Variants in HECTD3 observed in about 807,000 individuals in gnomAD.
The protein encoded by HECTD3 is E3 ubiquitin-protein ligase HECTD3.
A neutral mutation model predicts 109.3 loss-of-function variants in HECTD3; 72 were observed. The ratio of observed to expected loss-of-function variants is 0.66; its 90% CI spans 0.54 to 0.80. The LOEUF is 0.80. HECTD3 is among the 30% of genes least tolerant of loss of function. The pLI, the probability that HECTD3 is intolerant of heterozygous loss-of-function variation, is 0.00. For synonymous variants in HECTD3, 481 were observed against 471.8 expected, an observed-to-expected ratio of 1.02 and a Z score of -0.25; for missense variants, 1,041 against 1,165.2, an observed-to-expected ratio of 0.89 and a Z score of 1.55.
At position 45,003,818 on chromosome 1, in the gene HECTD3, C is replaced by T. The variant is rs369772646; in HGVS notation, c.2429+37G>A. ...GTGTGTGGGGAGGGAGGACAGAAGG[C>T]GGCCATGGCACCTTCAGGCCTCCCT... On this transcript the variant is annotated intron_variant, in intron 19 of 20. Coordinates refer to ENST00000372172, the MANE Select transcript of HECTD3 (RefSeq NM_024602.6). The surrounding 1 kb of genome is among the most constrained non-coding windows in gnomAD (Gnocchi z 4.7). 1.7e-5 allele frequency: 27 copies of T among 1,608,420 alleles called. No homozygotes were observed. In the African/African-American group the frequency reaches 2.5e-4, roughly 15 times the overall value.
rs144134559 is a variant in HECTD3, at chr1:45,008,222, C to T, written c.1320+18G>A. The stretch of plus-strand genomic sequence containing the variant: ...GGAAGGGGAAATGCCAAGACCAGCA[C>T]TGGCTGGGTCGGCTCACCTTAATCT... On this transcript the variant is annotated intron_variant, in intron 9 of 20. Coordinates refer to ENST00000372172, the MANE Select transcript of HECTD3 (RefSeq NM_024602.6). 19 of 1,603,260 alleles carry T rather than the reference C, an allele frequency of 1.2e-5. No homozygotes were observed. Among genetic ancestry groups the T allele is most frequent in the African/African-American group, 4.0e-5 (3 of 74,706 alleles).
chr1:45,006,202 G>A lies in HECTD3; in HGVS notation c.1726-86C>T. On this transcript the variant is annotated intron_variant, in intron 13 of 20. Transcript: ENST00000372172. The surrounding 1 kb of genome is among the most constrained non-coding windows in gnomAD (Gnocchi z 4.7). The stretch of plus-strand genomic sequence containing the variant: ...GACTTCCCTGAACATTTTCCACTGG[G>A]AACATTTTCCACTAAATGATCCCTT... 6.5e-7 allele frequency: 1 copy of A among 1,529,490 alleles called. No homozygotes were observed. Among genetic ancestry groups the A allele is most frequent in the Non-Finnish European group, 8.9e-7 (1 of 1,120,638 alleles). 94.7% of individuals were successfully genotyped at this position (1,529,490 alleles called of 1,614,324 possible). A position where few individuals can be genotyped will look rare whatever the true frequency, so the allele number is the denominator to read the frequency against.
intron 1 of HECTD3, 43 bp downstream of exon 1, chr1:45,010,846 C>T: frequency 6.6e-7 from 1 of 1,507,264 alleles, no homozygotes; most frequent in Non-Finnish European, 8.8e-7. Context: ...GTTTCTCTGG[C>T]CCCAGGGGTC....
rs1352087409 is a variant in HECTD3, at chr1:45,006,832, G to C, written c.1622-37C>G. On this transcript the variant is annotated intron_variant, in intron 12 of 20. Transcript: ENST00000372172. The surrounding 1 kb of genome is among the most constrained non-coding windows in gnomAD (Gnocchi z 4.7). ...GATGCCCTCAGCTGGGCACTCAAGAGCCCAGCTCCCATAATGGGGTAATGA... is the reference window on the plus strand; with the variant it reads ...GATGCCCTCAGCTGGGCACTCAAGACCCCAGCTCCCATAATGGGGTAATGA... The C allele has an allele frequency of 6.2e-7, 1 of 1,601,340 alleles. No homozygotes were observed. The highest frequency in any genetic ancestry group is 1.1e-5 in the South Asian group (1 of 90,402).
chr1:45,009,940 G>A (rs1198117614), intron 4 of HECTD3, 46 bp downstream of exon 4: 13 of 1,515,832 alleles, frequency 8.6e-6, no homozygotes, highest in African/African-American at 2.8e-5. Context: ...AGCCTTGAGG[G>A]GTGTGACTAT....
At position 45,006,225 on chromosome 1, in the gene HECTD3, C is replaced by T; in HGVS notation, c.1726-109G>A. ...GGGAACATTTTCCACTAAATGATCCCTTCAAATGCACAGTGGCTCCTCCTC... is the reference window on the plus strand; with the variant it reads ...GGGAACATTTTCCACTAAATGATCCTTTCAAATGCACAGTGGCTCCTCCTC... On this transcript the variant is annotated intron_variant, in intron 13 of 20. Transcript: ENST00000372172. This position sits in a 1 kb window ranked among gnomAD's most constrained non-coding sequence, Gnocchi z 4.7. 1 of 1,428,556 alleles carries T rather than the reference C, an allele frequency of 7.0e-7. No individual in the cohort carries two copies. Among genetic ancestry groups the T allele is most frequent in the Non-Finnish European group, 9.6e-7 (1 of 1,036,358 alleles). The allele number at this position is 1,428,556 out of a possible 1,614,324, so 88.5% of individuals were successfully genotyped here. A position where few individuals can be genotyped will look rare whatever the true frequency, so the allele number is the denominator to read the frequency against.
chr1:45,009,955 T>C (rs1313089454), intron 4 of HECTD3, 31 bp downstream of exon 4: 7 of 1,518,246 alleles, frequency 4.6e-6, no homozygotes, highest in Non-Finnish European at 6.2e-6. Flanking sequence ...GACTATATCT[T>C]GCCTGGGGTG....
intron 7 of HECTD3, 51 bp downstream of exon 7, chr1:45,009,093 C>T: frequency 7.2e-7 from 1 of 1,389,858 alleles, no homozygotes; most frequent in Non-Finnish European, 1.0e-6. Context: ...CTCTGTTTGC[C>T]CCCATCTCCA....
rs375248524 is a variant in HECTD3, at chr1:45,003,577, C to T, written c.2502-1G>A. On this transcript the variant is annotated splice_acceptor_variant, in intron 20 of 20. Coordinates refer to ENST00000372172, the MANE Select transcript of HECTD3 (RefSeq NM_024602.6). LOFTEE classifies it high-confidence loss of function. The surrounding 1 kb of genome is among the most constrained non-coding windows in gnomAD (Gnocchi z 4.7). ...GAGCTTCTCCTCGCATACCTTGGCA[C>T]TGTGGGAATGGGGACTTGGTCAGGT... 16 of 1,614,074 alleles carry T rather than the reference C, an allele frequency of 9.9e-6. No homozygotes were observed. Among genetic ancestry groups the T allele is most frequent in the East Asian group, 2.2e-5 (1 of 44,884 alleles).
chr1:45,009,840 T>C (rs149225163), intron 4 of HECTD3, 146 bp downstream of exon 4: 337 of 1,148,178 alleles, frequency 2.9e-4, no homozygotes, highest in Non-Finnish European at 3.8e-4. Context: ...AGGGGTCCTA[T>C]AGACGTCCAA....
rs1644735128 is a variant in HECTD3 at position 45,006,343 on chromosome 1, T to C, written c.1726-227A>G. 3.9e-6 allele frequency: 2 copies of C among 512,106 alleles called. No homozygotes were observed. Among genetic ancestry groups the C allele is most frequent in the Non-Finnish European group, 6.8e-6 (2 of 292,238 alleles). 31.7% of individuals were successfully genotyped at this position (512,106 alleles called of 1,614,324 possible). A position where few individuals can be genotyped will look rare whatever the true frequency, so the allele number is the denominator to read the frequency against. On this transcript the variant is annotated intron_variant, in intron 13 of 20. Transcript: ENST00000372172. This position sits in a 1 kb window ranked among gnomAD's most constrained non-coding sequence, Gnocchi z 4.7. ...TTTTTTGAGACAGAGTCTCACTGTG[T>C]CACCCAGGCTGGAGTGCAGTGGCGT...
In HECTD3 at chr1:45,004,111, A is replaced by G. The variant is rs745901582; in HGVS notation, c.2296T>C (p.Ser766Pro). Residue 766 changes from serine (S) to proline (P), a missense_variant, in exon 18 of 21, where the codon TCT (serine) becomes CCT (proline). This residue lies in a region of HECTD3 where 569 missense variants were observed against 715.3 expected (regional missense o/e 0.80). Coordinates refer to ENST00000372172, the MANE Select transcript of HECTD3 (RefSeq NM_024602.6). ...KLTRFEDFEPSDSRVQYFWEA... is the reference protein window; with the variant it reads ...KLTRFEDFEPPDSRVQYFWEA... ...CAGAAATACTGCACCCGCGAGTCAG[A>G]TGGCTCGAAGTCCTCAAACCGGGCT... The G allele has an allele frequency of 4.3e-6, 7 of 1,613,978 alleles. No individual in the cohort carries two copies. Among genetic ancestry groups the G allele is most frequent in the South Asian group, 3.3e-5 (3 of 91,086 alleles).
chr1:45,010,972 T>C lies in HECTD3; in HGVS notation c.286A>G (p.Ile96Val), dbSNP rs974588141. Residue 96 changes from isoleucine (I) to valine (V), a missense_variant, in exon 1 of 21, where the codon ATT (isoleucine) becomes GTT (valine). Coordinates refer to ENST00000372172, the MANE Select transcript of HECTD3 (RefSeq NM_024602.6). ...ACGCAGGCGCCGCGCCGGAGCTCAA[T>C]GCTGTCGCGGGCGGCGCGGAGGGGC... ...SGPLRAARDS[I>V]ELRRGACVRT... is the part of the protein sequence containing the mutation. The C allele has an allele frequency of 7.9e-6, 12 of 1,519,232 alleles. No homozygotes were observed. The highest frequency in any genetic ancestry group is 1.9e-4 in the Middle Eastern group (1 of 5,386). 94.1% of individuals were successfully genotyped at this position (1,519,232 alleles called of 1,614,324 possible). A position where few individuals can be genotyped will look rare whatever the true frequency, so the allele number is the denominator to read the frequency against.
chr1:45,005,091 TG>T, intron 15 of HECTD3: 2 of 511,574 alleles, frequency 3.9e-6, no homozygotes, highest in Admixed American at 6.4e-5. Flanking sequence ...TGGAGAAAGC[TG>T]GAAAGAGCAA....
Position 45,006,704 on chromosome 1 carries a change from G to C in HECTD3, c.1713C>G (p.Arg571=), listed in dbSNP as rs753978006. 1.2e-6 allele frequency: 2 copies of C among 1,612,440 alleles called. No homozygotes were observed. Among genetic ancestry groups the C allele is most frequent in the Non-Finnish European group, 1.7e-6 (2 of 1,179,104 alleles). The change falls in exon 13 of 21, where the codon CGC becomes CGG. Residue 571 remains arginine, a synonymous_variant. Transcript: ENST00000372172. This position sits in a 1 kb window ranked among gnomAD's most constrained non-coding sequence, Gnocchi z 4.7. ...DTPVPLPFFV[R]TANQGNGTGE... is the part of the protein sequence containing the mutation. ...AAACGGAGATTACCTGGTTGGCTGT[G>C]CGTACAAAGAAGGGCAGGGGCACGG...
Position 45,009,400 on chromosome 1 carries a change from G to T in HECTD3, c.958C>A (p.Leu320Met), listed in dbSNP as rs1366896631. 2 of 1,613,900 alleles carry T rather than the reference G, an allele frequency of 1.2e-6. No individual in the cohort carries two copies. The highest frequency in any genetic ancestry group is 3.3e-5 in the Admixed American group (2 of 60,010). Residue 320 changes from leucine (L) to methionine (M), a missense_variant, in exon 6 of 21, where the codon CTG becomes ATG. By Grantham distance (15) the Leu-to-Met change is conservative (BLOSUM62 2). This residue lies in a region of HECTD3 where 472 missense variants were observed against 449.9 expected (regional missense o/e 1.05). Coordinates refer to ENST00000372172, the MANE Select transcript of HECTD3 (RefSeq NM_024602.6). ...VVVYGGEGDNLKKLSDVSIDE... is the reference protein window; with the variant it reads ...VVVYGGEGDNMKKLSDVSIDE... ...ATGCTCACGTCACTCAGCTTCTTCA[G>T]GTTGTCCCCTTCACCCCCATAGACC...
rs759508518 is a variant in HECTD3 at position 45,010,949 on chromosome 1, G to A, written c.309C>T (p.Cys103=). ...RDSIELRRGA[C]VRTTGEELCN... ...ACAGCTCCTCGCCCGTGGTGCGCACGCAGGCGCCGCGCCGGAGCTCAATGC... is the reference window on the plus strand; with the variant it reads ...ACAGCTCCTCGCCCGTGGTGCGCACACAGGCGCCGCGCCGGAGCTCAATGC... Residue 103 remains cysteine, a synonymous_variant, in exon 1 of 21, where the codon TGC becomes TGT. Coordinates refer to ENST00000372172, the MANE Select transcript of HECTD3 (RefSeq NM_024602.6). 2 of 1,536,114 alleles carry A rather than the reference G, an allele frequency of 1.3e-6. No homozygotes were observed. Among genetic ancestry groups the A allele is most frequent in the Non-Finnish European group, 1.7e-6 (2 of 1,154,504 alleles).
Position 45,010,653 on chromosome 1 carries a change from C to G in HECTD3, c.423G>C (p.Leu141=), listed in dbSNP as rs1008269483. Residue 141 remains leucine (L), a synonymous_variant, in exon 2 of 21, where the codon CTG becomes CTC. Coordinates refer to ENST00000372172, the MANE Select transcript of HECTD3 (RefSeq NM_024602.6). ...CTCCGCCCTCCGCCGGGCGGCACAC[C>G]AGCAGCCAGCCTTCCTGCAGCCCGC... ...GDCGLQEGWL[L]VCRPAEGGAR... The G allele has an allele frequency of 6.3e-7, 1 of 1,597,318 alleles. No homozygotes were observed. Among genetic ancestry groups the G allele is most frequent in the Non-Finnish European group, 8.5e-7 (1 of 1,174,794 alleles).
In HECTD3 at chr1:45,006,974, A is replaced by G. The variant is rs1644741141; in HGVS notation, c.1598T>C (p.Ile533Thr). 1.2e-6 allele frequency: 2 copies of G among 1,614,124 alleles called. No homozygotes were observed. The highest frequency in any genetic ancestry group is 1.7e-6 in the Non-Finnish European group (2 of 1,180,022). ...RYDQWWECKF[I>T]AEGIIDQGGG... ...ACCTTGGTCAATGATGCCTTCTGCA[A>G]TAAATTTACACTCCCACCACTGGTC... is the stretch of plus-strand genomic sequence containing the variant. The change falls in exon 12 of 21, where the codon ATT becomes ACT. Residue 533 changes from isoleucine to threonine, a missense_variant. Around this residue, in one of 2 missense-constraint regions of HECTD3, gnomAD observed 569 missense variants for 715.3 expected, o/e 0.80. Coordinates refer to ENST00000372172, the MANE Select transcript of HECTD3 (RefSeq NM_024602.6). The surrounding 1 kb of genome is among the most constrained non-coding windows in gnomAD (Gnocchi z 4.7).
Sources: allele counts gnomAD v4.1 joint callset, GRCh38; gene constraint gnomAD v4.1.1; regional missense constraint gnomAD v4.1.1; non-coding constraint Gnocchi (gnomAD v3.1); transcripts MANE v1.5; gene names NCBI Gene and HGNC (gene_info 2026-07-23, HGNC 2026-07-21).